SUGCT: variants seen among roughly 807,000 people sequenced by gnomAD.
SUGCT encodes succinyl-CoA:glutarate CoA-transferase.
Under a neutral mutation model 55.0 loss-of-function variants are expected in SUGCT, and 41 were observed. The observed-to-expected ratio is 0.74, with a 90% CI of 0.58 to 0.97. The LOEUF is 0.97. SUGCT is among the 50% of genes least tolerant of loss of function. The pLI, the probability that SUGCT is intolerant of heterozygous loss-of-function variation, is 0.00. For missense variants in SUGCT, 568 were observed against 547.8 expected, an observed-to-expected ratio of 1.04 and a Z score of -0.37; for synonymous variants, 187 against 200.4, an observed-to-expected ratio of 0.93 and a Z score of 0.56.
intron 13 of SUGCT, among the ~76,000 whole-genome samples, chr7:40,783,983 C>T (rs1263751120): frequency 6.6e-6 from 1 of 152,188 alleles, no homozygotes; most frequent in Admixed American, 6.5e-5. Flanking sequence ...GTTTTAGATT[C>T]TTCAGTGCTA....
intron 12 of SUGCT, among the ~76,000 whole-genome samples, chr7:40,748,057 C>T (rs1354828864): frequency 2.0e-5 from 3 of 151,866 alleles, no homozygotes; most frequent in African/African-American, 7.3e-5. Context: ...GGTAGAATGT[C>T]CCTGCACTAG....
chr7:40,568,885 C>A (rs576526341), intron 12 of SUGCT, among the ~76,000 whole-genome samples: 123 of 152,278 alleles, frequency 8.1e-4, no homozygotes, highest in African/African-American at 2.6e-3. Context: ...CTCTAAAGGA[C>A]TTGGGTTTGA....
At chr7:40,473,127 A>G (rs566823498) in intron 11 of SUGCT, among the ~76,000 whole-genome samples, 1 of 152,296 alleles carries the variant, frequency 6.6e-6, no homozygotes, top group South Asian at 2.1e-4. Context: ...GAATGTTCTG[A>G]TGAAACACAG....
At chr7:40,589,851 A>G (rs1190179698) in intron 12 of SUGCT, among the ~76,000 whole-genome samples, 2 of 152,198 alleles carry the variant, frequency 1.3e-5, no homozygotes, top group Non-Finnish European at 1.5e-5. Flanking sequence ...CATTTTGGAT[A>G]TATTCTTTTG....
intron 9 of SUGCT, among the ~76,000 whole-genome samples, chr7:40,357,552 T>C (rs1273162319): frequency 1.3e-5 from 2 of 152,190 alleles, no homozygotes; most frequent in Non-Finnish European, 1.5e-5. Flanking sequence ...CGACATGTGG[T>C]CTCGGTCACA....
intron 12 of SUGCT, among the ~76,000 whole-genome samples, chr7:40,520,194 A>T (rs1050816473): frequency 6.6e-6 from 1 of 152,268 alleles, no homozygotes; most frequent in African/African-American, 2.4e-5. Flanking sequence ...CGGAATAAAA[A>T]CAAAACACTA....
chr7:40,980,811 C>T, the SUGCT span, among the ~76,000 whole-genome samples: 4,376 of 152,208 alleles, frequency 0.029, 215 homozygotes, highest in African/African-American at 0.098. Flanking sequence ...ATCTTCTCGC[C>T]TCAGCCTCCC....
the SUGCT span, among the ~76,000 whole-genome samples, chr7:40,905,269 A>G: frequency 4.7e-3 from 718 of 152,296 alleles, 8 homozygotes; most frequent in African/African-American, 0.013. Flanking sequence ...ACGATTCTGA[A>G]CAATATGTGT....
At chr7:41,037,933 A>G in the SUGCT span, among the ~76,000 whole-genome samples, 586 of 152,334 alleles carry the variant, frequency 3.8e-3, 3 homozygotes, top group African/African-American at 0.014. Flanking sequence ...CTTAATCCAT[A>G]TAAAAGTGCA....
chr7:41,035,401 A>G, the SUGCT span, among the ~76,000 whole-genome samples: 3 of 152,144 alleles, frequency 2.0e-5, no homozygotes, highest in Non-Finnish European at 4.4e-5. Context: ...AATAACATGC[A>G]AAATATCACT....
chr7:40,310,647 A>G (rs555927224), intron 8 of SUGCT, among the ~76,000 whole-genome samples: 3 of 152,336 alleles, frequency 2.0e-5, no homozygotes, highest in South Asian at 2.1e-4. Flanking sequence ...GTTCTGAAAT[A>G]CAAAGTTTAT....
At chr7:40,666,081 C>T (rs961575932) in intron 12 of SUGCT, among the ~76,000 whole-genome samples, 1 of 152,026 alleles carries the variant, frequency 6.6e-6, no homozygotes, top group African/African-American at 2.4e-5. Flanking sequence ...GAAGGGAGGG[C>T]TGGGTGCGGT....
chr7:40,553,121 G>T (rs555614075), intron 12 of SUGCT, among the ~76,000 whole-genome samples: 16 of 152,248 alleles, frequency 1.1e-4, no homozygotes, highest in South Asian at 6.2e-4. Flanking sequence ...ATTACTTTTG[G>T]ACTTGTGTTC....
intron 7 of SUGCT, among the ~76,000 whole-genome samples, chr7:40,252,517 C>T (rs1225514155): frequency 6.6e-6 from 1 of 152,176 alleles, no homozygotes; most frequent in Non-Finnish European, 1.5e-5. Flanking sequence ...AGAATTTCCA[C>T]ATACAACTAT....
In SUGCT at chr7:40,594,092, G is replaced by T. The variant is rs971398823; in HGVS notation, c.1089+97706G>T. 2.0e-5 allele frequency among the ~76,000 whole-genome samples: 3 copies of T among 151,886 alleles called. No homozygotes were observed. In the South Asian group the frequency reaches 6.2e-4, roughly 32 times the overall value. ...TCGCAAGAACAAAAAACCAAACACC[G>T]CATATTCTCAGTCATAGGTGGGAAT... On this transcript the variant is annotated intron_variant, in intron 12 of 13. Transcript: ENST00000335693.
chr7:40,153,289 G>A (rs1584195952), intron 1 of SUGCT: 1 of 399,160 alleles, frequency 2.5e-6, no homozygotes, highest in Admixed American at 3.5e-5. Flanking sequence ...AGCCTCAAGT[G>A]TAAAGTTTAG....
intron 9 of SUGCT, among the ~76,000 whole-genome samples, chr7:40,433,458 A>G (rs1199254669): frequency 6.6e-6 from 1 of 152,010 alleles, no homozygotes; most frequent in Non-Finnish European, 1.5e-5. Flanking sequence ...CTTAGTCCAT[A>G]TCTCTATTTC....
chr7:40,316,143 A>G (rs987732637), intron 8 of SUGCT, among the ~76,000 whole-genome samples: 3 of 152,202 alleles, frequency 2.0e-5, no homozygotes, highest in Admixed American at 2.0e-4. Context: ...GAAGTACAGT[A>G]ATGTTTCTTT....
intron 12 of SUGCT, among the ~76,000 whole-genome samples, chr7:40,689,940 A>G (rs911633060): frequency 1.3e-5 from 2 of 152,222 alleles, no homozygotes; most frequent in African/African-American, 4.8e-5. Context: ...ACTTAATAGG[A>G]TCAGTTCCCT....
Sources: allele counts gnomAD v4.1 joint callset (sites outside exome capture counted in the v4.1 genomes callset), GRCh38; gene constraint gnomAD v4.1.1; transcripts MANE v1.5; gene names NCBI Gene and HGNC (gene_info 2026-07-23, HGNC 2026-07-21).